CMSS1: variants seen among roughly 807,000 people sequenced by gnomAD.
CMSS1 encodes the protein cms1 ribosomal small subunit homolog.
Under a neutral mutation model 43.5 loss-of-function variants are expected in CMSS1, and 33 were observed. The ratio of observed to expected loss-of-function variants is 0.76; its 90% CI spans 0.57 to 1.01. The LOEUF is 1.01. Among genes scored for constraint, CMSS1 ranks in the 50% least tolerant of loss-of-function variants. The pLI is 0.00. For missense variants in CMSS1, 313 were observed against 326.4 expected, an observed-to-expected ratio of 0.96 and a Z score of 0.32; for synonymous variants, 115 against 117.2, an observed-to-expected ratio of 0.98 and a Z score of 0.12.
chr3:100,108,548 C>A (rs1312839948), intron 1 of CMSS1, among the ~76,000 whole-genome samples: 1 of 152,116 alleles, frequency 6.6e-6, no homozygotes, highest in Non-Finnish European at 1.5e-5. Flanking sequence ...CATTGTGGTA[C>A]ATTCTGGTTT....
At chr3:99,932,873 G>A (rs1296454556) in intron 1 of CMSS1, among the ~76,000 whole-genome samples, 2 of 152,154 alleles carry the variant, frequency 1.3e-5, no homozygotes, top group Non-Finnish European at 2.9e-5. Flanking sequence ...CTGGGTGACA[G>A]AGTAAGACTC....
At chr3:99,848,632 T>C (rs1423538989) in intron 1 of CMSS1, 1 of 1,614,138 alleles carries the variant, frequency 6.2e-7, no homozygotes, top group Admixed American at 1.7e-5. Flanking sequence ...GCGTCCCTGC[T>C]CAGGAGAGCT....
At chr3:99,985,593 G>A (rs1277356095) in intron 1 of CMSS1, among the ~76,000 whole-genome samples, 1 of 149,684 alleles carries the variant, frequency 6.7e-6, no homozygotes, top group Non-Finnish European at 1.5e-5. Flanking sequence ...CATGAGAAAA[G>A]CTTTTTTTTT....
At position 100,057,202 on chromosome 3, in the gene CMSS1, G is replaced by T. The variant is rs1033705185; in HGVS notation, c.65-89771G>T. ...CACGTGGCTTCTCTGCCCCTCCAGT[G>T]GACTAGGTGACTAAAGACCCGTCCC... is the stretch of plus-strand genomic sequence containing the variant. On this transcript the variant is annotated intron_variant, in intron 1 of 9. Transcript: ENST00000421999. Among the ~76,000 whole-genome samples, 16 of 152,084 alleles carry T rather than the reference G, an allele frequency of 1.1e-4. 1 individual carries two copies. The highest frequency in any genetic ancestry group is 9.8e-4 in the Admixed American group (15 of 15,272).
At chr3:100,089,440 CA>C (rs1223709242) in intron 1 of CMSS1, among the ~76,000 whole-genome samples, 1 of 152,158 alleles carries the variant, frequency 6.6e-6, no homozygotes, top group African/African-American at 2.4e-5. Context: ...TAACTTTATG[CA>C]AGTAATGGAT....
chr3:100,143,740 C>T (rs1360888977), intron 1 of CMSS1, among the ~76,000 whole-genome samples: 1 of 152,124 alleles, frequency 6.6e-6, no homozygotes, highest in African/African-American at 2.4e-5. Flanking sequence ...GCATGGAGAG[C>T]CTGCTGTTTG....
At chr3:99,822,419 A>G (rs1320302803) in intron 1 of CMSS1, among the ~76,000 whole-genome samples, 1 of 152,250 alleles carries the variant, frequency 6.6e-6, no homozygotes, top group East Asian at 1.9e-4. Context: ...GTACAGTGCC[A>G]GGAGACTGCA....
At chr3:99,968,534 A>G (rs552042992) in intron 1 of CMSS1, among the ~76,000 whole-genome samples, 3 of 152,320 alleles carry the variant, frequency 2.0e-5, no homozygotes, top group South Asian at 2.1e-4. Context: ...TGGGCTGGAA[A>G]TACAGATTTG....
chr3:100,147,162 G>T, intron 2 of CMSS1, 101 bp downstream of exon 2: 1 of 1,247,862 alleles, frequency 8.0e-7, no homozygotes, highest in Non-Finnish European at 1.1e-6. Context: ...GTTGTTGGTG[G>T]GATTTAAGAG....
intron 1 of CMSS1, among the ~76,000 whole-genome samples, chr3:100,126,371 C>T (rs1005116678): frequency 6.6e-6 from 1 of 152,110 alleles, no homozygotes; most frequent in Admixed American, 6.5e-5. Flanking sequence ...TATTAGGAAC[C>T]TAAAATAGTT....
At chr3:99,948,669 AAAGAGG>A (rs1434751511) in intron 1 of CMSS1, among the ~76,000 whole-genome samples, 1 of 149,746 alleles carries the variant, frequency 6.7e-6, no homozygotes, top group Non-Finnish European at 1.5e-5. Flanking sequence ...AAGGGAAGGG[AAAGAGG>A]AAGAAGAAGA....
chr3:99,829,102 C>G (rs900897391), intron 1 of CMSS1, among the ~76,000 whole-genome samples: 6 of 152,170 alleles, frequency 3.9e-5, no homozygotes, highest in African/African-American at 1.4e-4. Context: ...TTCCTTTACT[C>G]TTGCTCTGCT....
intron 1 of CMSS1, among the ~76,000 whole-genome samples, chr3:99,932,955 C>G (rs1707533662): frequency 1.3e-5 from 2 of 152,192 alleles, no homozygotes; most frequent in African/African-American, 4.8e-5. Context: ...GGAGCACTTA[C>G]TATGTGTGCT....
At chr3:99,885,341 T>C (rs7619738) in intron 1 of CMSS1, among the ~76,000 whole-genome samples, 1,767 of 152,348 alleles carry the variant, frequency 0.012, 19 homozygotes, top group African/African-American at 0.026. Context: ...AGATTTATCT[T>C]CAAATGCTGA....
At chr3:99,903,821 G>C (rs1172269235) in intron 1 of CMSS1, among the ~76,000 whole-genome samples, 1 of 152,050 alleles carries the variant, frequency 6.6e-6, no homozygotes, top group Non-Finnish European at 1.5e-5. Flanking sequence ...ACTACACAAT[G>C]CTCTTTTCTT....
At chr3:100,065,809 A>G (rs2065653887) in intron 1 of CMSS1, among the ~76,000 whole-genome samples, 1 of 152,354 alleles carries the variant, frequency 6.6e-6, no homozygotes, top group South Asian at 2.1e-4. Context: ...TACTAATTCA[A>G]TTCCATCAAT....
At chr3:100,135,438 A>ATGTGTGTGTGTGTG (rs71132511) in intron 1 of CMSS1, among the ~76,000 whole-genome samples, 15 of 120,730 alleles carry the variant, frequency 1.2e-4, no homozygotes, top group African/African-American at 4.2e-4. Context: ...GTGTGTGTGC[A>ATGTGTGTGTGTGTG]TGTGTGTGTG....
At chr3:100,019,175 G>A (rs1386241148) in intron 1 of CMSS1, among the ~76,000 whole-genome samples, 5 of 152,026 alleles carry the variant, frequency 3.3e-5, no homozygotes, top group African/African-American at 1.2e-4. Context: ...TCCATTTCTG[G>A]GCATATATCC....
intron 1 of CMSS1, among the ~76,000 whole-genome samples, chr3:99,919,986 T>C (rs538768917): frequency 6.6e-6 from 1 of 152,330 alleles, no homozygotes; most frequent in Admixed American, 6.5e-5. Flanking sequence ...ACTCCTTTCT[T>C]TGTGGTGTTT....
Sources: gnomAD v4.1 joint callset for allele counts (sites outside exome capture counted in the v4.1 genomes callset) on GRCh38, gnomAD v4.1.1 for gene constraint, MANE v1.5 for transcripts, NCBI Gene and HGNC (gene_info 2026-07-23, HGNC 2026-07-21) for gene names.